PLCE1: variants seen among roughly 807,000 people sequenced by gnomAD.
The protein encoded by PLCE1 is 1-phosphatidylinositol 4,5-bisphosphate phosphodiesterase epsilon-1.
A neutral mutation model predicts 242.8 loss-of-function variants in PLCE1; 119 were observed. The ratio of observed to expected loss-of-function variants is 0.49; its 90% confidence interval spans 0.42 to 0.57. The LOEUF is 0.57. Ranked by LOEUF, PLCE1 falls within the 20% of genes least tolerant of loss-of-function variation. The pLI is 0.00. For missense variants in PLCE1, 2,441 were observed against 2,788.8 expected (o/e 0.88, Z 2.81); for synonymous variants, 945 against 1,017.4 (o/e 0.93, Z 1.35).
rs765664318 is a variant in PLCE1 at position 94,258,827 on chromosome 10, G to A, written c.3582G>A (p.Gly1194=). 5 of 1,614,104 alleles carry A rather than the reference G, an allele frequency of 3.1e-6. No individual in the cohort carries two copies. The South Asian group carries it at 3.3e-5, about 11-fold the overall frequency. ...CTTGGAGCAGTAGTAGCTGGCACGG[G>A]CGGATCAAAGGCGGCATGAAGGGAT... ...SSAWSSSSWH[G]RIKGGMKGFQ... The change falls in exon 12 of 33, where the codon GGG becomes GGA. Residue 1194 remains glycine (G), a synonymous_variant. Coordinates refer to ENST00000371380, the MANE Select transcript of PLCE1 (RefSeq NM_016341.4).
At chr10:94,261,208 T>G (rs1186261320) in intron 13 of PLCE1, among the ~76,000 whole-genome samples, 1 of 152,168 alleles carries the variant, frequency 6.6e-6, no homozygotes. Flanking sequence ...TCTCCATAGT[T>G]TTGCCTTTTC....
chr10:94,153,335 C>T (rs1776942), intron 3 of PLCE1, among the ~76,000 whole-genome samples: 121,920 of 151,974 alleles, frequency 0.8, 49,191 homozygotes, highest in Admixed American at 0.85. Flanking sequence ...GGCATCTCAA[C>T]AGACATAGAA....
chr10:94,069,507 G>A (rs1279679311), intron 2 of PLCE1, among the ~76,000 whole-genome samples: 5 of 152,114 alleles, frequency 3.3e-5, no homozygotes, highest in African/African-American at 4.8e-5. Flanking sequence ...GAGCTACTCC[G>A]GAGCCTGAGG....
chr10:94,258,839 C>T lies in PLCE1; in HGVS notation c.3594C>T (p.Gly1198=), dbSNP rs149614492. The T allele has an allele frequency of 2.8e-4, 444 of 1,614,002 alleles. No homozygotes were observed. The highest frequency in any genetic ancestry group is 3.5e-4 in the Non-Finnish European group (414 of 1,179,958). Residue 1198 remains glycine, a synonymous_variant, in exon 12 of 33, where the codon GGC becomes GGT. Coordinates refer to ENST00000371380, the MANE Select transcript of PLCE1 (RefSeq NM_016341.4). ...GTAGCTGGCACGGGCGGATCAAAGG[C>T]GGCATGAAGGGATTTCAGAGCTTCA... ...SSSSWHGRIK[G]GMKGFQSFMV... is the part of the protein sequence containing the mutation.
At chr10:94,026,965 C>G (rs1260708367) in intron 1 of PLCE1, among the ~76,000 whole-genome samples, 1 of 152,134 alleles carries the variant, frequency 6.6e-6, no homozygotes, top group Admixed American at 6.5e-5. Flanking sequence ...TCCTTCACAA[C>G]CTGATGGAGT....
chr10:94,135,223 G>A (rs1396270537), intron 3 of PLCE1, among the ~76,000 whole-genome samples: 1 of 152,036 alleles, frequency 6.6e-6, no homozygotes, highest in African/African-American at 2.4e-5. Flanking sequence ...AAAACATCAT[G>A]TTGTACATTA....
chr10:94,181,997 TCA>T (rs1481353188), intron 4 of PLCE1, among the ~76,000 whole-genome samples: 2 of 152,024 alleles, frequency 1.3e-5, no homozygotes, highest in African/African-American at 4.8e-5. Context: ...TAGTTGAGAA[TCA>T]CTGCTCTAGA....
intron 1 of PLCE1, among the ~76,000 whole-genome samples, chr10:94,028,220 G>A (rs2182093): frequency 0.17 from 26,454 of 152,166 alleles, 2,863 homozygotes; most frequent in Non-Finnish European, 0.23. Context: ...AATTTGGGAC[G>A]AGGCTTATCT....
At chr10:94,012,330 T>C (rs1332075183) in intron 1 of PLCE1, among the ~76,000 whole-genome samples, 1 of 151,858 alleles carries the variant, frequency 6.6e-6, no homozygotes, top group African/African-American at 2.4e-5. Flanking sequence ...AGCCCATTCA[T>C]TGGTCCAGTA....
chr10:94,290,818 A>T (rs1299077400), intron 22 of PLCE1, among the ~76,000 whole-genome samples: 1 of 152,202 alleles, frequency 6.6e-6, no homozygotes. Context: ...TATTATTACC[A>T]AGTATGTTCT....
intron 2 of PLCE1, among the ~76,000 whole-genome samples, chr10:94,038,091 T>C (rs996265758): frequency 6.6e-6 from 1 of 152,128 alleles, no homozygotes; most frequent in African/African-American, 2.4e-5. Context: ...CCACAACCTG[T>C]ATTTTGCAGA....
At chr10:94,255,906 ACACACACACT>A (rs1164387626) in intron 11 of PLCE1, among the ~76,000 whole-genome samples, 2 of 98,452 alleles carry the variant, frequency 2.0e-5, no homozygotes, top group Non-Finnish European at 4.3e-5. Flanking sequence ...ACACACACAC[ACACACACACT>A]CTCTCTCTCT....
intron 2 of PLCE1, chr10:94,105,942 C>A (rs113788282): frequency 6.6e-6 from 1 of 152,052 alleles, no homozygotes; most frequent in Non-Finnish European, 1.5e-5. Context: ...TCGTTTAATT[C>A]ACACAACAAA....
In PLCE1 at chr10:94,194,470, A is replaced by G. The variant is rs144362794; in HGVS notation, c.1809+22974A>G. 2.2e-3 allele frequency among the ~76,000 whole-genome samples: 336 copies of G among 152,258 alleles called. 1 individual carries two copies. Among genetic ancestry groups the G allele is most frequent in the African/African-American group, 7.7e-3 (319 of 41,552 alleles). ...CTGTTTTCTCCCCATTAATCACTTC[A>G]TGCCCCTTTTACATCTGTCTACCCG... On this transcript the variant is annotated intron_variant, in intron 4 of 32. Coordinates refer to ENST00000371380, the MANE Select transcript of PLCE1 (RefSeq NM_016341.4).
At chr10:94,240,729 G>A (rs944251884) in intron 7 of PLCE1, among the ~76,000 whole-genome samples, 1 of 152,094 alleles carries the variant, frequency 6.6e-6, no homozygotes, top group South Asian at 2.1e-4. Context: ...CATTAGACAA[G>A]TATTTATCTG....
At chr10:94,116,907 CAA>C (rs759161126) in intron 2 of PLCE1, among the ~76,000 whole-genome samples, 7 of 152,110 alleles carry the variant, frequency 4.6e-5, no homozygotes, top group Non-Finnish European at 1.0e-4. Context: ...AAAGAAAAGA[CAA>C]AGAGTTTCTG....
chr10:94,306,172 A>T lies in PLCE1; in HGVS notation c.5623-255A>T, dbSNP rs1204076099. 6.6e-6 allele frequency among the ~76,000 whole-genome samples: 1 copy of T among 151,946 alleles called. No homozygotes were observed. The highest frequency in any genetic ancestry group is 2.4e-5 in the African/African-American group (1 of 41,358). The stretch of plus-strand genomic sequence containing the variant: ...ATTTTAGTAGAGACAGGGTTTCACC[A>T]TGTTGGCCAGGATGGTCTCAATCTC... On this transcript the variant is annotated intron_variant, in intron 25 of 32. Transcript: ENST00000371380. This position sits in a 1 kb window ranked among gnomAD's most constrained non-coding sequence, Gnocchi z 5.7.
At chr10:94,107,683 A>C (rs998998936) in intron 2 of PLCE1, 3 of 152,012 alleles carry the variant, frequency 2.0e-5, no homozygotes, top group Non-Finnish European at 4.4e-5. Context: ...AATTGGAGTT[A>C]GGATGCTTGG....
At chr10:94,022,161 AT>A in intron 1 of PLCE1, among the ~76,000 whole-genome samples, 1 of 152,126 alleles carries the variant, frequency 6.6e-6, no homozygotes. Context: ...CACCTAAAAA[AT>A]ATTTGCTAGG....
Sources: gnomAD v4.1 joint callset for allele counts (sites outside exome capture counted in the v4.1 genomes callset) on GRCh38, gnomAD v4.1.1 for gene constraint, Gnocchi (gnomAD v3.1) non-coding constraint, MANE v1.5 for transcripts, NCBI Gene and HGNC (gene_info 2026-07-23, HGNC 2026-07-21) for gene names.